The following STK3 variants were observed in gnomAD, a reference collection of about 807,000 sequenced individuals.
The protein encoded by STK3 is serine/threonine-protein kinase 3.
Under a neutral mutation model 58.0 loss-of-function variants are expected in STK3, and 41 were observed. The observed-to-expected ratio is 0.71, with a 90% CI of 0.55 to 0.92. The LOEUF is 0.92. Ranked by LOEUF, STK3 falls within the 40% of genes least tolerant of loss-of-function variation. STK3 has a pLI of 0.00. For missense variants in STK3, 479 were observed against 602.7 expected (o/e 0.79, Z 2.15); for synonymous variants, 170 against 191.0 (o/e 0.89, Z 0.91).
chr8:98,732,088 T>C (rs561286814), intron 4 of STK3, among the ~76,000 whole-genome samples: 30 of 152,110 alleles, frequency 2.0e-4, no homozygotes, highest in Admixed American at 9.2e-4. Context: ...AAATAAAAAG[T>C]TCAGTTAGAA....
intron 3 of STK3, among the ~76,000 whole-genome samples, chr8:98,424,420 A>C (rs1422878297): frequency 6.6e-6 from 1 of 151,972 alleles, no homozygotes; most frequent in East Asian, 1.9e-4. Flanking sequence ...AGGGGGAGGG[A>C]GAGAGGGAGG....
At chr8:98,919,919 C>G (rs951423057) in intron 1 of STK3, among the ~76,000 whole-genome samples, 1 of 152,116 alleles carries the variant, frequency 6.6e-6, no homozygotes, top group African/African-American at 2.4e-5. Flanking sequence ...GAGGAAGGAG[C>G]CTTTTGTCCC....
chr8:98,843,374 G>A (rs1836070460), intron 3 of STK3, among the ~76,000 whole-genome samples: 2 of 152,168 alleles, frequency 1.3e-5, no homozygotes, highest in South Asian at 4.1e-4. Context: ...CTTTGAGTTG[G>A]TGGCTCAGTA....
the STK3 span, among the ~76,000 whole-genome samples, chr8:98,356,944 C>T: frequency 3.3e-5 from 5 of 152,206 alleles, no homozygotes; most frequent in African/African-American, 7.2e-5. Flanking sequence ...TACTTCTCTG[C>T]GATATAGAAT....
chr8:98,506,823 G>A (rs1384837184), intron 10 of STK3, among the ~76,000 whole-genome samples: 1 of 152,194 alleles, frequency 6.6e-6, no homozygotes, highest in Non-Finnish European at 1.5e-5. Flanking sequence ...AGGGATTGTA[G>A]CCCTGCTGAT....
intron 6 of STK3, among the ~76,000 whole-genome samples, chr8:98,673,793 T>TA (rs1208729350): frequency 1.3e-5 from 2 of 151,958 alleles, no homozygotes; most frequent in Non-Finnish European, 2.9e-5. Flanking sequence ...AAAAAAGAAA[T>TA]AAAAAACAAT....
In STK3 at chr8:98,643,043, T is replaced by C. The variant is rs1587130017; in HGVS notation, c.685-46874A>G. 2.0e-5 allele frequency among the ~76,000 whole-genome samples: 3 copies of C among 151,990 alleles called. No homozygotes were observed. In the East Asian group the frequency reaches 5.8e-4, roughly 29 times the overall value. On this transcript the variant is annotated intron_variant, in intron 6 of 10. Coordinates refer to ENST00000419617, the MANE Select transcript of STK3 (RefSeq NM_006281.4). ...TTTGGGACCAGCTTGAGCAACATAG[T>C]GAGACCCTCACCTCTACAAAAATAT...
intron 4 of STK3, among the ~76,000 whole-genome samples, chr8:98,737,492 T>A (rs1828702228): frequency 6.6e-6 from 1 of 152,020 alleles, no homozygotes; most frequent in South Asian, 2.1e-4. Flanking sequence ...AGAAAATAAA[T>A]AAGCAAATGA....
chr8:98,855,909 C>A (rs1836651751), intron 3 of STK3, among the ~76,000 whole-genome samples: 1 of 151,986 alleles, frequency 6.6e-6, no homozygotes, highest in Admixed American at 6.6e-5. Context: ...GTAATCCCAG[C>A]ACTTTGGGAG....
chr8:98,723,674 T>C (rs973599299), intron 4 of STK3, among the ~76,000 whole-genome samples: 1 of 152,192 alleles, frequency 6.6e-6, no homozygotes, highest in African/African-American at 2.4e-5. Flanking sequence ...GCATTAATTC[T>C]ACATTTAATA....
At chr8:98,570,443 A>G (rs985423522) in intron 8 of STK3, among the ~76,000 whole-genome samples, 14 of 152,138 alleles carry the variant, frequency 9.2e-5, no homozygotes, top group South Asian at 2.1e-4. Context: ...GCCTGGCCCA[A>G]ATATATTTAT....
chr8:98,902,021 C>T (rs1274902759), intron 1 of STK3, among the ~76,000 whole-genome samples: 1 of 152,190 alleles, frequency 6.6e-6, no homozygotes, highest in Non-Finnish European at 1.5e-5. Flanking sequence ...ACATTCCACA[C>T]AATTGAGCAC....
chr8:98,351,605 A>G, the STK3 span, among the ~76,000 whole-genome samples: 1 of 152,168 alleles, frequency 6.6e-6, no homozygotes, highest in African/African-American at 2.4e-5. Context: ...TTTCTCTGCT[A>G]TATAACAGAG....
chr8:98,860,038 C>A (rs939559051), intron 3 of STK3, among the ~76,000 whole-genome samples: 5 of 152,106 alleles, frequency 3.3e-5, no homozygotes, highest in African/African-American at 1.2e-4. Context: ...GTCATTTATT[C>A]ATGTTAGTTC....
intron 1 of STK3, among the ~76,000 whole-genome samples, chr8:98,931,938 T>C (rs2132039364): frequency 6.6e-6 from 1 of 152,330 alleles, no homozygotes; most frequent in Admixed American, 6.5e-5. Context: ...GGTGGTACTT[T>C]AATGAAATGA....
chr8:98,524,864 A>C (rs1825635521), intron 10 of STK3, among the ~76,000 whole-genome samples: 3 of 152,272 alleles, frequency 2.0e-5, no homozygotes, highest in Admixed American at 1.3e-4. Context: ...AGAAACACTT[A>C]GATAAACCTA....
At position 98,800,730 on chromosome 8, in the gene STK3, G is replaced by A. The variant is rs553860506; in HGVS notation, c.26+24785C>T. ...CTGGGCAGTGAAGGGCTTAGCACCC[G>A]GGCCAGCAGCTGCGGAAGGGGCACC... is the stretch of plus-strand genomic sequence containing the variant. On this transcript the variant is annotated intron_variant, in intron 1 of 10. Coordinates refer to ENST00000419617, the MANE Select transcript of STK3 (RefSeq NM_006281.4). The surrounding 1 kb of genome is among the most constrained non-coding windows in gnomAD (Gnocchi z 4.8). Among the ~76,000 whole-genome samples the A allele has an allele frequency of 2.8e-4, 43 of 152,308 alleles. No homozygotes were observed. Among genetic ancestry groups the A allele is most frequent in the African/African-American group, 7.7e-4 (32 of 41,566 alleles).
intron 6 of STK3, among the ~76,000 whole-genome samples, chr8:98,656,301 C>T (rs1821514329): frequency 6.6e-6 from 1 of 150,954 alleles, no homozygotes; most frequent in Admixed American, 6.6e-5. Context: ...CACATGGACA[C>T]AGGAAGGGGA....
the STK3 span, among the ~76,000 whole-genome samples, chr8:98,356,244 A>G: frequency 6.6e-6 from 1 of 152,228 alleles, no homozygotes; most frequent in Admixed American, 6.5e-5. Context: ...TTCAGAAAGG[A>G]AAGTGCTGTT....
Sources: allele counts gnomAD v4.1 joint callset (sites outside exome capture counted in the v4.1 genomes callset), GRCh38; gene constraint gnomAD v4.1.1; non-coding constraint Gnocchi (gnomAD v3.1); transcripts MANE v1.5; gene names NCBI Gene and HGNC (gene_info 2026-07-23, HGNC 2026-07-21).